KRTAP3-2: variants seen among roughly 807,000 people sequenced by gnomAD.
KRTAP3-2 encodes keratin associated protein 3-2.
A neutral mutation model predicts 5.4 loss-of-function variants in KRTAP3-2; 2 were observed. The observed-to-expected ratio is 0.37, with a 90% CI of 0.15 to 1.17. The LOEUF is 1.17. Ranked by LOEUF, KRTAP3-2 falls within the 50% of genes most tolerant of loss-of-function variation. KRTAP3-2 has a pLI of 0.37. For missense variants in KRTAP3-2, 113 were observed against 122.0 expected (o/e 0.93, Z 0.35); for synonymous variants, 49 against 48.0 (o/e 1.02, Z -0.08).
chr17:40,999,565 C>G lies in KRTAP3-2; in HGVS notation c.289G>C (p.Gly97Arg), dbSNP rs2143719565. The G allele has an allele frequency of 1.9e-6, 3 of 1,613,768 alleles. No individual in the cohort carries two copies. The East Asian group carries it at 6.7e-5, about 36-fold the overall frequency. ...AGCAAAGTAGCCATCCATCAGCAGC[C>G]TCTTGGGAGGCAGGGCTCACAGCAG... ...QPCCEPCLPR[G>R]C Residue 97 changes from glycine to arginine, a missense_variant, in exon 1 of 1, where the codon GGC becomes CGC. Coordinates refer to ENST00000391587, the MANE Select transcript of KRTAP3-2 (RefSeq NM_031959.3).
At position 40,999,828 on chromosome 17, in the gene KRTAP3-2, C is replaced by T; in HGVS notation, c.26G>A (p.Cys9Tyr). ...GGTGGCAGGCCCAGTGGGGACACTG[C>T]AGCTGCGAGAGGCACAGCAATCCAT... The part of the protein sequence containing the change: MDCCASRS[C>Y]SVPTGPATTI... The change falls in exon 1 of 1, where the codon TGC becomes TAC. Residue 9 changes from cysteine (C) to tyrosine (Y), a missense_variant. Cys to Tyr is a radical substitution (Grantham distance 194). Coordinates refer to ENST00000391587, the MANE Select transcript of KRTAP3-2 (RefSeq NM_031959.3). 1 of 1,614,134 alleles carries T rather than the reference C, an allele frequency of 6.2e-7. No homozygotes were observed. Among genetic ancestry groups the T allele is most frequent in the South Asian group, 1.1e-5 (1 of 91,076 alleles).
chr17:40,999,483 A>G lies in KRTAP3-2; in HGVS notation c.*74T>C. The stretch of plus-strand genomic sequence containing the variant: ...GGTCTACCTTAACATCTGGCAAACT[A>G]CTGAGGCAAGTGAATACTGAAGGGA... On this transcript the variant is annotated 3_prime_UTR_variant, in exon 1 of 1. Coordinates refer to ENST00000391587, the MANE Select transcript of KRTAP3-2 (RefSeq NM_031959.3). 6.4e-7 allele frequency: 1 copy of G among 1,568,888 alleles called. No individual in the cohort carries two copies. The highest frequency in any genetic ancestry group is 8.7e-7 in the Non-Finnish European group (1 of 1,152,578).
At position 40,999,376 on chromosome 17, in the gene KRTAP3-2, T is replaced by C; in HGVS notation, c.*181A>G. ...CCTGCCCACAGGAACCAAATGGTTT[T>C]TCAGCTAAATAACCATAAAAAATAC... On this transcript the variant is annotated 3_prime_UTR_variant, in exon 1 of 1. Transcript: ENST00000391587. 1.0e-6 allele frequency: 1 copy of C among 966,664 alleles called. No homozygotes were observed. Among genetic ancestry groups the C allele is most frequent in the Non-Finnish European group, 1.5e-6 (1 of 672,800 alleles). The allele number at this position is 966,664 out of a possible 1,614,324, so 59.9% of individuals were successfully genotyped here. A position where few individuals can be genotyped will look rare whatever the true frequency, so the allele number is the denominator to read the frequency against.
chr17:40,999,860 G>A lies in KRTAP3-2; in HGVS notation c.-7C>T. 1.2e-6 allele frequency: 2 copies of A among 1,613,858 alleles called. No homozygotes were observed. Among genetic ancestry groups the A allele is most frequent in the Middle Eastern group, 1.6e-4 (1 of 6,062 alleles). On this transcript the variant is annotated 5_prime_UTR_variant, in exon 1 of 1. Coordinates refer to ENST00000391587, the MANE Select transcript of KRTAP3-2 (RefSeq NM_031959.3). ...GAGAGGCACAGCAATCCATGGCAAT[G>A]GGCGTCTGGTTAGCTTTCAGTTTCT...
rs367615065 is a variant in KRTAP3-2, at chr17:40,999,773, G to A, written c.81C>T (p.Arg27=). ...AGGTGCTGGGCAGGCAGACTCCACA[G>A]CGGCAGGATTTGTCGGAGGAGCAGA... ...TTICSSDKSC[R]CGVCLPSTCP... is the part of the protein sequence containing the mutation. Residue 27 remains arginine (R), a synonymous_variant, in exon 1 of 1, where the codon CGC becomes CGT. Transcript: ENST00000391587. The A allele has an allele frequency of 3.4e-5, 55 of 1,613,986 alleles. No homozygotes were observed. The highest frequency in any genetic ancestry group is 4.2e-5 in the Non-Finnish European group (50 of 1,179,968).
rs531504157 is a variant in KRTAP3-2 at position 40,999,465 on chromosome 17, C to A, written c.*92G>T. ...TTCATATCTGGGTCATCTGGTCTAC[C>A]TTAACATCTGGCAAACTACTGAGGC... On this transcript the variant is annotated 3_prime_UTR_variant, in exon 1 of 1. Transcript: ENST00000391587. 200 of 1,544,610 alleles carry A rather than the reference C, an allele frequency of 1.3e-4. 1 individual carries two copies. In the South Asian group the frequency reaches 2.4e-3, roughly 18 times the overall value.
At position 40,999,740 on chromosome 17, in the gene KRTAP3-2, G is replaced by A. The variant is rs754555841; in HGVS notation, c.114C>T (p.His38=). 1.2e-6 allele frequency: 2 copies of A among 1,614,100 alleles called. No homozygotes were observed. The highest frequency in any genetic ancestry group is 1.7e-6 in the Non-Finnish European group (2 of 1,179,974). ...CGVCLPSTCP[H]TVWLLEPICC... Reference sequence around the variant, plus strand: ...AGATGGGCTCCAGTAACCAAACTGTGTGTGGGCAGGTGCTGGGCAGGCAGA... The same window carrying A: ...AGATGGGCTCCAGTAACCAAACTGTATGTGGGCAGGTGCTGGGCAGGCAGA... Residue 38 remains histidine, a synonymous_variant, in exon 1 of 1, where the codon CAC becomes CAT. Transcript: ENST00000391587.
Position 40,999,380 on chromosome 17 carries a change from G to A in KRTAP3-2, c.*177C>T. The A allele has an allele frequency of 9.9e-7, 1 of 1,005,204 alleles. No homozygotes were observed. The highest frequency in any genetic ancestry group is 1.4e-6 in the Non-Finnish European group (1 of 706,240). 62.3% of individuals were successfully genotyped at this position (1,005,204 alleles called of 1,614,324 possible). ...CCCACAGGAACCAAATGGTTTTTCAGCTAAATAACCATAAAAAATACTTTT... is the reference window on the plus strand; with the variant it reads ...CCCACAGGAACCAAATGGTTTTTCAACTAAATAACCATAAAAAATACTTTT... On this transcript the variant is annotated 3_prime_UTR_variant, in exon 1 of 1. Transcript: ENST00000391587.
chr17:40,999,818 G>C lies in KRTAP3-2; in HGVS notation c.36C>G (p.Pro12=). Reference sequence around the variant, plus strand: ...AGCAGATGGTGGTGGCAGGCCCAGTGGGGACACTGCAGCTGCGAGAGGCAC... The same window carrying C: ...AGCAGATGGTGGTGGCAGGCCCAGTCGGGACACTGCAGCTGCGAGAGGCAC... ...DCCASRSCSV[P]TGPATTICSS... The change falls in exon 1 of 1, where the codon CCC becomes CCG. Residue 12 remains proline (P), a synonymous_variant. Transcript: ENST00000391587. 1.2e-6 allele frequency: 2 copies of C among 1,614,174 alleles called. No individual in the cohort carries two copies. Among genetic ancestry groups the C allele is most frequent in the Non-Finnish European group, 1.7e-6 (2 of 1,180,036 alleles).
At position 40,999,228 on chromosome 17, in the gene KRTAP3-2, A is replaced by G. The variant is rs9911772; in HGVS notation, c.*329T>C. On this transcript the variant is annotated 3_prime_UTR_variant, in exon 1 of 1. Coordinates refer to ENST00000391587, the MANE Select transcript of KRTAP3-2 (RefSeq NM_031959.3). ...AATATAGTTTATTGGAAAACCCACC[A>G]AGAAATTTTCTTCTATGAAAATACC... The G allele has an allele frequency of 0.24, 70,139 of 295,116 alleles. 12,018 individuals are homozygous for G. The highest frequency in any genetic ancestry group is 0.57 in the African/African-American group (26,220 of 45,704). 18.3% of individuals were successfully genotyped at this position (295,116 alleles called of 1,614,324 possible). A position where few individuals can be genotyped will look rare whatever the true frequency, so the allele number is the denominator to read the frequency against.
rs1269965621 is a variant in KRTAP3-2 at position 40,999,672 on chromosome 17, C to T, written c.182G>A (p.Cys61Tyr). Reference protein sequence around the residue: ...CPPPCHIPQPCVPTCFLLNSC... With the variant: ...CPPPCHIPQPYVPTCFLLNSC... ...GTTGAGCAGGAAGCAGGTGGGCACG[C>T]AGGGCTGAGGAATGTGGCAGGGTGG... The change falls in exon 1 of 1, where the codon TGC (cysteine) becomes TAC (tyrosine). Residue 61 changes from cysteine to tyrosine, a missense_variant. Transcript: ENST00000391587. The T allele has an allele frequency of 2.5e-6, 4 of 1,614,018 alleles. No homozygotes were observed. In the African/African-American group the frequency reaches 5.3e-5, roughly 22 times the overall value.
chr17:40,999,443 A>T lies in KRTAP3-2; in HGVS notation c.*114T>A, dbSNP rs763991584. 7.0e-7 allele frequency: 1 copy of T among 1,432,378 alleles called. No homozygotes were observed. Among genetic ancestry groups the T allele is most frequent in the Admixed American group, 2.4e-5 (1 of 41,728 alleles). The allele number at this position is 1,432,378 out of a possible 1,614,324, so 88.7% of individuals were successfully genotyped here. A position where few individuals can be genotyped will look rare whatever the true frequency, so the allele number is the denominator to read the frequency against. ...CATTAAAACCAAAGGTAAGTTCTTC[A>T]TATCTGGGTCATCTGGTCTACCTTA... On this transcript the variant is annotated 3_prime_UTR_variant, in exon 1 of 1. Transcript: ENST00000391587.
chr17:40,999,732 C>T lies in KRTAP3-2; in HGVS notation c.122G>A (p.Trp41Ter). The T allele has an allele frequency of 6.2e-7, 1 of 1,614,066 alleles. No homozygotes were observed. Among genetic ancestry groups the T allele is most frequent in the Admixed American group, 1.7e-5 (1 of 60,018 alleles). The change falls in exon 1 of 1, where the codon TGG (tryptophan) becomes TAG (stop). Residue 41 changes from tryptophan (W) to a stop codon, truncating the protein, a stop_gained. Coordinates refer to ENST00000391587, the MANE Select transcript of KRTAP3-2 (RefSeq NM_031959.3). LOFTEE classifies it high-confidence loss of function. ...CLPSTCPHTV[W>*]LLEPICCDNC... ...GTCACAGCAGATGGGCTCCAGTAAC[C>T]AAACTGTGTGTGGGCAGGTGCTGGG...
Position 40,999,799 on chromosome 17 carries a change from T to C in KRTAP3-2, c.55A>G (p.Ile19Val). Residue 19 changes from isoleucine to valine, a missense_variant, in exon 1 of 1, where the codon ATC (isoleucine) becomes GTC (valine). Physicochemically the swap from Ile to Val is conservative, Grantham distance 29 (BLOSUM62 3). Coordinates refer to ENST00000391587, the MANE Select transcript of KRTAP3-2 (RefSeq NM_031959.3). ...CSVPTGPATT[I>V]CSSDKSCRCG... Reference sequence around the variant, plus strand: ...CGGCAGGATTTGTCGGAGGAGCAGATGGTGGTGGCAGGCCCAGTGGGGACA... The same window carrying C: ...CGGCAGGATTTGTCGGAGGAGCAGACGGTGGTGGCAGGCCCAGTGGGGACA... The C allele has an allele frequency of 1.2e-6, 2 of 1,614,056 alleles. No homozygotes were observed. Among genetic ancestry groups the C allele is most frequent in the Non-Finnish European group, 1.7e-6 (2 of 1,180,016 alleles).
chr17:40,999,337 A>G lies in KRTAP3-2; in HGVS notation c.*220T>C, dbSNP rs2011749590. 2 of 643,746 alleles carry G rather than the reference A, an allele frequency of 3.1e-6. No individual in the cohort carries two copies. Among genetic ancestry groups the G allele is most frequent in the African/African-American group, 1.8e-5 (1 of 54,890 alleles). The allele number at this position is 643,746 out of a possible 1,614,324, so 39.9% of individuals were successfully genotyped here. ...TAAAGATTGAAACAGTATTTTGCTA[A>G]TAAAACTCATTCACCTGCCCACAGG... On this transcript the variant is annotated 3_prime_UTR_variant, in exon 1 of 1. Transcript: ENST00000391587.
Position 40,999,862 on chromosome 17 carries a change from G to C in KRTAP3-2, c.-9C>G, listed in dbSNP as rs375423562. On this transcript the variant is annotated 5_prime_UTR_variant, in exon 1 of 1. Coordinates refer to ENST00000391587, the MANE Select transcript of KRTAP3-2 (RefSeq NM_031959.3). ...GAGGCACAGCAATCCATGGCAATGG[G>C]CGTCTGGTTAGCTTTCAGTTTCTTA... is the stretch of plus-strand genomic sequence containing the variant. 12 of 1,613,818 alleles carry C rather than the reference G, an allele frequency of 7.4e-6. No individual in the cohort carries two copies. The highest frequency in any genetic ancestry group is 1.0e-5 in the Non-Finnish European group (12 of 1,179,746).
At position 40,999,780 on chromosome 17, in the gene KRTAP3-2, G is replaced by T. The variant is rs767914632; in HGVS notation, c.74C>A (p.Ser25Tyr). ...GGGCAGGCAGACTCCACAGCGGCAG[G>T]ATTTGTCGGAGGAGCAGATGGTGGT... is the stretch of plus-strand genomic sequence containing the variant. Reference protein sequence around the residue: ...PATTICSSDKSCRCGVCLPST... With the variant: ...PATTICSSDKYCRCGVCLPST... Residue 25 changes from serine (S) to tyrosine (Y), a missense_variant, in exon 1 of 1, where the codon TCC becomes TAC. Transcript: ENST00000391587. 103 of 1,613,982 alleles carry T rather than the reference G, an allele frequency of 6.4e-5. No individual in the cohort carries two copies. The highest frequency in any genetic ancestry group is 1.6e-4 in the Middle Eastern group (1 of 6,084).
rs756318951 is a variant in KRTAP3-2 at position 40,999,603 on chromosome 17, G to A, written c.251C>T (p.Thr84Ile). Residue 84 changes from threonine (T) to isoleucine (I), a missense_variant, in exon 1 of 1, where the codon ACC becomes ATC. By Grantham distance (89) the Thr-to-Ile change is moderately conservative. Coordinates refer to ENST00000391587, the MANE Select transcript of KRTAP3-2 (RefSeq NM_031959.3). Reference protein sequence around the residue: ...TPGLETLNLTTFTQPCCEPCL... With the variant: ...TPGLETLNLTIFTQPCCEPCL... ...GGGCTCACAGCAGGGCTGAGTGAAG[G>A]TGGTGAGGTTGAGGGTCTCCAGGCC... is the stretch of plus-strand genomic sequence containing the variant. 5.7e-5 allele frequency: 92 copies of A among 1,613,710 alleles called. 1 individual carries two copies. Among genetic ancestry groups the A allele is most frequent in the Middle Eastern group, 1.7e-4 (1 of 6,060 alleles).
rs2011749509 is a variant in KRTAP3-2 at position 40,999,335 on chromosome 17, TAATA to T, written c.*218_*221del. 3.2e-6 allele frequency: 2 copies of T among 627,134 alleles called. No homozygotes were observed. Among genetic ancestry groups the T allele is most frequent in the Admixed American group, 6.2e-5 (2 of 32,300 alleles). 38.8% of individuals were successfully genotyped at this position (627,134 alleles called of 1,614,324 possible). A position where few individuals can be genotyped will look rare whatever the true frequency, so the allele number is the denominator to read the frequency against. On this transcript the variant is annotated 3_prime_UTR_variant, in exon 1 of 1. Transcript: ENST00000391587. ...CTTAAAGATTGAAACAGTATTTTGC[TAATA>T]AAACTCATTCACCTGCCCACAGGAA...
Sources: allele counts gnomAD v4.1 joint callset, GRCh38; gene constraint gnomAD v4.1.1; transcripts MANE v1.5; gene names NCBI Gene and HGNC (gene_info 2026-07-23, HGNC 2026-07-21).